Variants in VSX2 observed in about 807,000 individuals in gnomAD.
VSX2 encodes visual system homeobox 2.
VSX2 carries 28 observed loss-of-function variants against 32.1 expected under a neutral mutation model. The ratio of observed to expected loss-of-function variants is 0.87; its 90% CI spans 0.65 to 1.20. The LOEUF is 1.20. VSX2 is among the 50% of genes most tolerant of loss of function. VSX2 has a pLI of 0.00. For missense variants in VSX2, 506 were observed against 488.7 expected, an observed-to-expected ratio of 1.04 and a Z score of -0.33; for synonymous variants, 243 against 214.1, an observed-to-expected ratio of 1.14 and a Z score of -1.18.
chr14:74,252,824 G>A (rs532258773), intron 3 of VSX2, among the ~76,000 whole-genome samples: 4 of 151,652 alleles, frequency 2.6e-5, no homozygotes, highest in Admixed American at 1.3e-4. Context: ...TCGGAGGGCG[G>A]ATCACCTTGA....
chr14:74,244,895 T>A (rs1362093146), intron 2 of VSX2, among the ~76,000 whole-genome samples: 4 of 51,266 alleles, frequency 7.8e-5, no homozygotes, highest in Non-Finnish European at 2.2e-4. Flanking sequence ...TGTGTGTGTG[T>A]GTGTGTGTGT....
chr14:74,245,223 T>C lies in VSX2; in HGVS notation c.514T>C (p.Tyr172His). ...GGAGAAGGCATTCAACGAAGCCCACTACCCAGACGTCTATGCCCGGGAGAT... is the reference window on the plus strand; with the variant it reads ...GGAGAAGGCATTCAACGAAGCCCACCACCCAGACGTCTATGCCCGGGAGAT... ...ELEKAFNEAH[Y>H]PDVYAREMLA... The change falls in exon 3 of 5, where the codon TAC (tyrosine) becomes CAC (histidine). Residue 172 changes from tyrosine to histidine, a missense_variant. Transcript: ENST00000261980. The C allele has an allele frequency of 1.2e-6, 2 of 1,613,640 alleles. No homozygotes were observed. The highest frequency in any genetic ancestry group is 1.7e-6 in the Non-Finnish European group (2 of 1,179,930).
At chr14:74,256,669 CTTTTTTTTTTT>C (rs34012116) in intron 3 of VSX2, among the ~76,000 whole-genome samples, 4 of 93,052 alleles carry the variant, frequency 4.3e-5, no homozygotes, top group Non-Finnish European at 6.1e-5. Flanking sequence ...GGGAGTCATA[CTTTTTTTTTTT>C]TTTTTTTTTT....
At chr14:74,249,990 C>T (rs906703893) in intron 3 of VSX2, among the ~76,000 whole-genome samples, 10 of 152,100 alleles carry the variant, frequency 6.6e-5, no homozygotes, top group Non-Finnish European at 1.2e-4. Context: ...CCTGTGATCC[C>T]AGCATTTTGG....
chr14:74,243,547 C>T (rs2079165105), intron 2 of VSX2, among the ~76,000 whole-genome samples: 1 of 151,172 alleles, frequency 6.6e-6, no homozygotes. Context: ...CTTTGTGCCT[C>T]AGTTTCCCTG....
chr14:74,242,170 T>G (rs1860713), intron 2 of VSX2, among the ~76,000 whole-genome samples: 108,605 of 151,576 alleles, frequency 0.72, 40,638 homozygotes, highest in Non-Finnish European at 0.82. Context: ...CTGCCTGCCT[T>G]TCTGCGGGTG....
In VSX2 at chr14:74,261,001, A is replaced by G; in HGVS notation, c.*82A>G. 6.7e-7 allele frequency: 1 copy of G among 1,497,544 alleles called. No individual in the cohort carries two copies. Among genetic ancestry groups the G allele is most frequent in the Non-Finnish European group, 9.1e-7 (1 of 1,103,782 alleles). 92.8% of individuals were successfully genotyped at this position (1,497,544 alleles called of 1,614,324 possible). ...GTGCTGGGAGATGCTCTCTGAGGCA[A>G]GGCCCAGACCTGGCCTCTGCCATCC... is the stretch of plus-strand genomic sequence containing the variant. On this transcript the variant is annotated 3_prime_UTR_variant, in exon 5 of 5. Transcript: ENST00000261980.
chr14:74,240,043 G>A, intron 1 of VSX2, 112 bp downstream of exon 1: 1 of 1,419,230 alleles, frequency 7.0e-7, no homozygotes. Flanking sequence ...GTTCCTGCCA[G>A]GCCGGGGGTC....
In VSX2 at chr14:74,245,176, C is replaced by T; in HGVS notation, c.467C>T (p.Thr156Ile). 1 of 1,613,674 alleles carries T rather than the reference C, an allele frequency of 6.2e-7. No individual in the cohort carries two copies. Among genetic ancestry groups the T allele is most frequent in the Non-Finnish European group, 8.5e-7 (1 of 1,179,874 alleles). Residue 156 changes from threonine (T) to isoleucine (I), a missense_variant, in exon 3 of 5, where the codon ACC (threonine) becomes ATC (isoleucine). Coordinates refer to ENST00000261980, the MANE Select transcript of VSX2 (RefSeq NM_182894.3). ...CTTGCTCCCCTCAGGACAATCTTTA[C>T]CTCCTACCAGCTAGAGGAGCTGGAG... ...RKKRRHRTIF[T>I]SYQLEELEKA...
At chr14:74,259,452 C>T (rs987875660) in intron 3 of VSX2, 150 bp from the exon 4 acceptor site, 6 of 813,384 alleles carry the variant, frequency 7.4e-6, no homozygotes, top group Non-Finnish European at 1.2e-5. Flanking sequence ...CTCCCTGAGC[C>T]TGGAGGAACA....
intron 2 of VSX2, among the ~76,000 whole-genome samples, chr14:74,241,578 A>G (rs2079150581): frequency 6.6e-6 from 1 of 152,192 alleles, no homozygotes; most frequent in Admixed American, 6.5e-5. Context: ...AGATCCCCGC[A>G]CCAGTACATT....
At chr14:74,250,571 A>T (rs192550637) in intron 3 of VSX2, among the ~76,000 whole-genome samples, 26 of 152,308 alleles carry the variant, frequency 1.7e-4, no homozygotes, top group African/African-American at 6.0e-4. Flanking sequence ...GCCTCTTCTA[A>T]AGTGGCCCCT....
chr14:74,243,912 C>T (rs138474414), intron 2 of VSX2, among the ~76,000 whole-genome samples: 25 of 152,200 alleles, frequency 1.6e-4, no homozygotes, highest in Middle Eastern at 3.4e-3. Flanking sequence ...CCTGTGCTGG[C>T]GCCAGAGTCT....
rs1251655874 is a variant in VSX2, at chr14:74,262,622, CTTGATA to C, written c.*1708_*1713del. The stretch of plus-strand genomic sequence containing the variant: ...TGTACATAGAGTGAGAAGAAAGAAA[CTTGATA>C]TTGAGGTGTTTGAAATATGGAACTG... On this transcript the variant is annotated 3_prime_UTR_variant, in exon 5 of 5. Coordinates refer to ENST00000261980, the MANE Select transcript of VSX2 (RefSeq NM_182894.3). 1 of 152,174 alleles carries C rather than the reference CTTGATA, an allele frequency of 6.6e-6. No individual in the cohort carries two copies. The highest frequency in any genetic ancestry group is 1.5e-5 in the Non-Finnish European group (1 of 68,046). 9.4% of individuals were successfully genotyped at this position (152,174 alleles called of 1,614,324 possible).
intron 2 of VSX2, among the ~76,000 whole-genome samples, chr14:74,242,894 G>A (rs2139631257): frequency 6.6e-6 from 1 of 152,276 alleles, no homozygotes; most frequent in East Asian, 1.9e-4. Context: ...ACATCTCACT[G>A]CATGGCACTT....
At position 74,239,724 on chromosome 14, in the gene VSX2, G is replaced by C; in HGVS notation, c.163G>C (p.Gly55Arg). Residue 55 changes from glycine (G) to arginine (R), a missense_variant, in exon 1 of 5, where the codon GGC (glycine) becomes CGC (arginine). Coordinates refer to ENST00000261980, the MANE Select transcript of VSX2 (RefSeq NM_182894.3). ...CTCCCACCCGCGGGCAGCGCTCGAC[G>C]GCCTGGCCCCCGGGCACTTGCTGGC... ...PSSHPRAALD[G>R]LAPGHLLAAR... 6.5e-7 allele frequency: 1 copy of C among 1,549,246 alleles called. No individual in the cohort carries two copies. The highest frequency in any genetic ancestry group is 8.7e-7 in the Non-Finnish European group (1 of 1,146,702).
chr14:74,260,086 C>T (rs2079294740), intron 4 of VSX2, among the ~76,000 whole-genome samples: 1 of 152,162 alleles, frequency 6.6e-6, no homozygotes, highest in Admixed American at 6.5e-5. Flanking sequence ...CTCCTCTCCC[C>T]TTGGCCAGAG....
In VSX2 at chr14:74,260,944, G is replaced by C; in HGVS notation, c.*25G>C. 2 of 1,549,262 alleles carry C rather than the reference G, an allele frequency of 1.3e-6. No homozygotes were observed. The highest frequency in any genetic ancestry group is 1.7e-6 in the Non-Finnish European group (2 of 1,146,978). On this transcript the variant is annotated 3_prime_UTR_variant, in exon 5 of 5. Transcript: ENST00000261980. ...GGTCAAGGCGCGCTCAGATGCCGGA[G>C]CCCCAAGACTCTGCTCTCCTCGGGC...
chr14:74,257,709 A>ACC (rs33974776), intron 3 of VSX2, among the ~76,000 whole-genome samples: 4,914 of 132,986 alleles, frequency 0.037, 150 homozygotes, highest in East Asian at 0.14. Flanking sequence ...CGCGCGGACC[A>ACC]CCCCCCACCC....
Sources: allele counts gnomAD v4.1 joint callset (sites outside exome capture counted in the v4.1 genomes callset), GRCh38; gene constraint gnomAD v4.1.1; transcripts MANE v1.5; gene names NCBI Gene and HGNC (gene_info 2026-07-23, HGNC 2026-07-21).